The following RANBP2 variants were observed in gnomAD, a reference collection of about 807,000 sequenced individuals.
The protein encoded by RANBP2 is RAN binding protein 2.
Under a neutral mutation model 303.6 loss-of-function variants are expected in RANBP2, and 57 were observed. The observed-to-expected ratio is 0.19, with a 90% confidence interval of 0.15 to 0.23. The LOEUF (loss-of-function observed/expected upper bound fraction) is 0.23. Ranked by LOEUF, RANBP2 falls within the 10% of genes least tolerant of loss-of-function variation. RANBP2 has a pLI of 1.00. For missense variants in RANBP2, 3,138 were observed against 3,780.8 expected, an observed-to-expected ratio of 0.83 and a Z score of 4.46; for synonymous variants, 1,167 against 1,301.5, an observed-to-expected ratio of 0.90 and a Z score of 2.23.
the RANBP2 span, among the ~76,000 whole-genome samples, chr2:109,033,176 G>A: frequency 6.6e-6 from 1 of 152,228 alleles, no homozygotes; most frequent in African/African-American, 2.4e-5. Context: ...GAATAACAAA[G>A]CCCCTTTCAG....
the RANBP2 span, among the ~76,000 whole-genome samples, chr2:109,376,700 C>G: frequency 6.6e-6 from 1 of 152,222 alleles, no homozygotes; most frequent in African/African-American, 2.4e-5. Context: ...ATAGGATATT[C>G]AGAAATTGGC....
chr2:108,741,372 A>G (rs1055226556), intron 7 of RANBP2, among the ~76,000 whole-genome samples: 3 of 139,048 alleles, frequency 2.2e-5, no homozygotes, highest in African/African-American at 8.1e-5. Context: ...AATTTTTTGT[A>G]TTTTTAATAG....
At chr2:109,439,396 C>T in the RANBP2 span, among the ~76,000 whole-genome samples, 12 of 152,220 alleles carry the variant, frequency 7.9e-5, no homozygotes, top group Admixed American at 2.6e-4. Context: ...TGAGTTCCTG[C>T]GGCATTTTCC....
the RANBP2 span, among the ~76,000 whole-genome samples, chr2:109,430,427 C>T: frequency 6.6e-6 from 1 of 152,156 alleles, no homozygotes; most frequent in African/African-American, 2.4e-5. Context: ...TGCCTCAGCC[C>T]AGGCTGTGTG....
At chr2:109,437,097 G>A in the RANBP2 span, 4 of 1,613,218 alleles carry the variant, frequency 2.5e-6, no homozygotes, top group Non-Finnish European at 2.5e-6. Flanking sequence ...GCTGTCTACG[G>A]CACTCAGCCC....
chr2:108,972,119 G>C, the RANBP2 span, among the ~76,000 whole-genome samples: 1 of 152,244 alleles, frequency 6.6e-6, no homozygotes, highest in African/African-American at 2.4e-5. Flanking sequence ...CAGCGGAGCC[G>C]CTCCCTGATT....
At chr2:109,592,293 C>T in the RANBP2 span, among the ~76,000 whole-genome samples, 90 of 151,216 alleles carry the variant, frequency 6.0e-4, no homozygotes, top group East Asian at 2.0e-3. Flanking sequence ...GGCAAAACCC[C>T]GTCTCTACTA....
At chr2:108,873,656 G>A in the RANBP2 span, 1 of 1,155,452 alleles carries the variant, frequency 8.7e-7, no homozygotes, top group East Asian at 2.6e-5. Context: ...TAAACCAGGG[G>A]TTTTAATCTT....
the RANBP2 span, among the ~76,000 whole-genome samples, chr2:109,302,365 T>C: frequency 6.6e-6 from 1 of 152,192 alleles, no homozygotes; most frequent in South Asian, 2.1e-4. Flanking sequence ...CAAGGTGAAA[T>C]GCTTGCTGCT....
chr2:108,988,645 C>T, the RANBP2 span, among the ~76,000 whole-genome samples: 5 of 152,258 alleles, frequency 3.3e-5, no homozygotes, highest in East Asian at 1.9e-4. Flanking sequence ...ATACTTTTCA[C>T]GCTCCCTGGA....
chr2:109,086,039 G>C, the RANBP2 span, among the ~76,000 whole-genome samples: 2 of 152,214 alleles, frequency 1.3e-5, no homozygotes, highest in Non-Finnish European at 2.9e-5. Context: ...TTGTCCTTTG[G>C]TGATGGGCTT....
At chr2:108,793,555 T>G in the RANBP2 span, among the ~76,000 whole-genome samples, 4 of 152,090 alleles carry the variant, frequency 2.6e-5, no homozygotes, top group African/African-American at 9.7e-5. Context: ...GATCTAGCAA[T>G]TTTGCTACTA....
chr2:109,491,851 G>A, the RANBP2 span, among the ~76,000 whole-genome samples: 92,342 of 152,094 alleles, frequency 0.61, 28,870 homozygotes, highest in Middle Eastern at 0.78. Context: ...TCCCTTGGCC[G>A]TTCGGGTGCC....
the RANBP2 span, among the ~76,000 whole-genome samples, chr2:109,444,986 G>A: frequency 9.2e-5 from 14 of 152,120 alleles, no homozygotes; most frequent in African/African-American, 2.9e-4. Context: ...CTATGAATCA[G>A]AAACAACTGG....
the RANBP2 span, chr2:109,436,748 G>C: frequency 3.9e-6 from 5 of 1,283,774 alleles, no homozygotes; most frequent in South Asian, 6.2e-5. Context: ...GCCCAGTGAC[G>C]GGCATTGTTT....
At chr2:109,407,266 C>A in the RANBP2 span, among the ~76,000 whole-genome samples, 2 of 152,176 alleles carry the variant, frequency 1.3e-5, no homozygotes, top group African/African-American at 2.4e-5. Context: ...TAGGAACATA[C>A]CCTTTAAAAT....
At chr2:109,540,184 G>C in the RANBP2 span, among the ~76,000 whole-genome samples, 100 of 152,166 alleles carry the variant, frequency 6.6e-4, no homozygotes, top group Non-Finnish European at 1.1e-3. Context: ...AGGTATTAAG[G>C]CTTGCTTTAT....
At chr2:109,575,357 C>T in the RANBP2 span, among the ~76,000 whole-genome samples, 1 of 152,200 alleles carries the variant, frequency 6.6e-6, no homozygotes, top group Non-Finnish European at 1.5e-5. Context: ...ATTTATAAGG[C>T]ACAAAAAGCC....
the RANBP2 span, among the ~76,000 whole-genome samples, chr2:109,132,932 A>G: frequency 6.6e-6 from 1 of 152,266 alleles, no homozygotes; most frequent in Non-Finnish European, 1.5e-5. Flanking sequence ...AAGGACTTGA[A>G]TATCAGACAA....
Sources: allele counts gnomAD v4.1 joint callset (sites outside exome capture counted in the v4.1 genomes callset), GRCh38; gene constraint gnomAD v4.1.1; transcripts MANE v1.5; gene names NCBI Gene and HGNC (gene_info 2026-07-23, HGNC 2026-07-21).